Variants in WIF1 observed in about 807,000 individuals in gnomAD.
WIF1 encodes Wnt inhibitory factor 1.
WIF1 carries 35 observed loss-of-function variants against 53.5 expected under a neutral mutation model. The observed-to-expected ratio is 0.65, with a 90% confidence interval of 0.50 to 0.87. The LOEUF (loss-of-function observed/expected upper bound fraction) is 0.87. Ranked by LOEUF, WIF1 falls within the 40% of genes least tolerant of loss-of-function variation. The pLI is 0.00. For synonymous variants in WIF1, 171 were observed against 170.4 expected, an observed-to-expected ratio of 1.00 and a Z score of -0.03; for missense variants, 467 against 476.8, an observed-to-expected ratio of 0.98 and a Z score of 0.19.
At chr12:65,106,625 C>T (rs1362804329) in intron 2 of WIF1, among the ~76,000 whole-genome samples, 2 of 152,128 alleles carry the variant, frequency 1.3e-5, no homozygotes, top group Non-Finnish European at 1.5e-5. Context: ...GGATTACAGG[C>T]GTGAGCCACT....
In WIF1 at chr12:65,120,790, A is replaced by G. The variant is rs112490332; in HGVS notation, c.149-234T>C. On this transcript the variant is annotated intron_variant, in intron 1 of 9. Transcript: ENST00000286574. ...GATGGACATGGAGTTAACCGACGCA[A>G]AAAAATGCCGGGTGCACCTAAAAAC... is the stretch of plus-strand genomic sequence containing the variant. 12,556 of 785,032 alleles carry G rather than the reference A, an allele frequency of 0.016. 280 individuals are homozygous for G. The highest frequency in any genetic ancestry group is 0.079 in the African/African-American group (4,528 of 57,342). 48.6% of individuals were successfully genotyped at this position (785,032 alleles called of 1,614,324 possible). A position where few individuals can be genotyped will look rare whatever the true frequency, so the allele number is the denominator to read the frequency against.
chr12:65,052,544 G>T (rs955405270), intron 9 of WIF1, among the ~76,000 whole-genome samples: 2 of 152,322 alleles, frequency 1.3e-5, no homozygotes, highest in South Asian at 4.1e-4. Flanking sequence ...CCCACTGGGA[G>T]TATGTTCTTA....
intron 3 of WIF1, 104 bp downstream of exon 3, chr12:65,077,642 G>T: frequency 1.2e-6 from 1 of 843,462 alleles, no homozygotes; most frequent in Non-Finnish European, 1.9e-6. Flanking sequence ...ATGTCTTCAG[G>T]AAAACATTTC....
chr12:65,074,968 C>CT (rs1565752471), intron 3 of WIF1, among the ~76,000 whole-genome samples: 1 of 152,014 alleles, frequency 6.6e-6, no homozygotes, highest in Non-Finnish European at 1.5e-5. Flanking sequence ...TAATAAAGCC[C>CT]TACCAATGCC....
chr12:65,061,987 C>CT (rs958445630), intron 7 of WIF1, among the ~76,000 whole-genome samples: 19 of 152,250 alleles, frequency 1.2e-4, no homozygotes, highest in African/African-American at 4.3e-4. Flanking sequence ...CTATTTCATT[C>CT]TTTTTTTATT....
chr12:65,071,386 C>T (rs140892387), intron 3 of WIF1, among the ~76,000 whole-genome samples: 4 of 151,898 alleles, frequency 2.6e-5, no homozygotes, highest in African/African-American at 7.2e-5. Flanking sequence ...GGAACAAAAG[C>T]GAGGTTGCAA....
chr12:65,080,022 C>T (rs1265492620), intron 2 of WIF1, among the ~76,000 whole-genome samples: 3 of 152,126 alleles, frequency 2.0e-5, no homozygotes, highest in Non-Finnish European at 4.4e-5. Context: ...GGTAGACATT[C>T]AAACAATTTG....
chr12:65,071,058 A>T (rs1347383407), intron 3 of WIF1, among the ~76,000 whole-genome samples: 1 of 151,786 alleles, frequency 6.6e-6, no homozygotes, highest in Non-Finnish European at 1.5e-5. Flanking sequence ...CAACATGGTG[A>T]AACCCGTGTC....
At chr12:65,061,466 T>C (rs1882610602) in intron 7 of WIF1, among the ~76,000 whole-genome samples, 2 of 152,200 alleles carry the variant, frequency 1.3e-5, no homozygotes, top group Admixed American at 1.3e-4. Flanking sequence ...ACCTTCCTTT[T>C]GCTCTTTCTT....
intron 2 of WIF1, among the ~76,000 whole-genome samples, chr12:65,098,851 A>G (rs760039019): frequency 6.6e-6 from 1 of 152,178 alleles, no homozygotes; most frequent in African/African-American, 2.4e-5. Flanking sequence ...CCCTTTAGCC[A>G]GCTCTATTGC....
In WIF1 at chr12:65,062,537, A is replaced by T. The variant is rs1471811494; in HGVS notation, c.770T>A (p.Phe257Tyr). ...AGGGCAAATACATTTTCCAGGGTAG[A>T]AACAGGTCCCTCCATTAAAGCAGGT... ...STTCFNGGTC[F>Y]YPGKCICPPG... The change falls in exon 7 of 10, where the codon TTC becomes TAC. Residue 257 changes from phenylalanine (F) to tyrosine (Y), a missense_variant. Transcript: ENST00000286574. The T allele has an allele frequency of 6.2e-7, 1 of 1,608,892 alleles. No homozygotes were observed. The highest frequency in any genetic ancestry group is 8.5e-7 in the Non-Finnish European group (1 of 1,177,298).
chr12:65,106,017 A>G (rs761853826), intron 2 of WIF1, among the ~76,000 whole-genome samples: 2 of 152,200 alleles, frequency 1.3e-5, no homozygotes, highest in Admixed American at 6.5e-5. Flanking sequence ...CTTAAGAAGC[A>G]TGGACAGATT....
At chr12:65,055,438 G>A (rs1206691621) in intron 8 of WIF1, among the ~76,000 whole-genome samples, 1 of 152,212 alleles carries the variant, frequency 6.6e-6, no homozygotes, top group African/African-American at 2.4e-5. Context: ...ACATTCAGTA[G>A]GATTTTGAAA....
chr12:65,053,048 C>T (rs1168842984), intron 9 of WIF1, among the ~76,000 whole-genome samples: 2 of 152,148 alleles, frequency 1.3e-5, no homozygotes, highest in African/African-American at 4.8e-5. Flanking sequence ...CAGGGTTTGT[C>T]TCCAGTTGAG....
Position 65,068,649 on chromosome 12 carries a change from ATGTGTGTGTG to A in WIF1, c.538+105_538+114del, listed in dbSNP as rs10590995. On this transcript the variant is annotated intron_variant, in intron 4 of 9. Transcript: ENST00000286574. ...TTATAGAGCCATCATCCAAAAAACC[ATGTGTGTGTG>A]TGTGTGTGTGTGTGTGTGTGTGTGT... 484,631 of 1,003,860 alleles carry A rather than the reference ATGTGTGTGTG, an allele frequency of 0.48. 92,334 individuals carry two copies. The highest frequency in any genetic ancestry group is 0.54 in the Middle Eastern group (2,133 of 3,944). The allele number at this position is 1,003,860 out of a possible 1,614,324, so 62.2% of individuals were successfully genotyped here.
chr12:65,055,203 C>T lies in WIF1; in HGVS notation c.933G>A (p.Glu311=). 4 of 1,613,668 alleles carry T rather than the reference C, an allele frequency of 2.5e-6. No homozygotes were observed. The highest frequency in any genetic ancestry group is 3.4e-6 in the Non-Finnish European group (4 of 1,179,904). ...AGGTTCCATGTGCACCACAGCCAGG[C>T]TCGCAGACAGCTAGAATCAAAAGAA... ...QGDLCSKPVC[E]PGCGAHGTCH... is the part of the protein sequence containing the mutation. Residue 311 remains glutamate (E), a synonymous_variant, in exon 9 of 10, where the codon GAG becomes GAA. Transcript: ENST00000286574.
At chr12:65,102,731 C>T (rs1036030713) in intron 2 of WIF1, among the ~76,000 whole-genome samples, 4 of 152,188 alleles carry the variant, frequency 2.6e-5, no homozygotes, top group African/African-American at 7.2e-5. Flanking sequence ...TATGGAGGCA[C>T]TCATTCCTAG....
At chr12:65,079,745 G>T (rs1882919966) in intron 2 of WIF1, among the ~76,000 whole-genome samples, 1 of 152,028 alleles carries the variant, frequency 6.6e-6, no homozygotes, top group African/African-American at 2.4e-5. Flanking sequence ...AAGTTGAGTG[G>T]TTCTGCAGTT....
intron 3 of WIF1, among the ~76,000 whole-genome samples, chr12:65,072,897 C>A (rs537079144): frequency 3.9e-5 from 6 of 152,140 alleles, no homozygotes; most frequent in Non-Finnish European, 2.9e-5. Flanking sequence ...ATAATCTAAA[C>A]GAGGTGAATT....
Sources: gnomAD v4.1 joint callset for allele counts (sites outside exome capture counted in the v4.1 genomes callset) on GRCh38, gnomAD v4.1.1 for gene constraint, MANE v1.5 for transcripts, NCBI Gene and HGNC (gene_info 2026-07-23, HGNC 2026-07-21) for gene names.